Variants in SSTR5 observed in about 807,000 individuals in gnomAD.
SSTR5 encodes somatostatin receptor 5, also known as somatostatin receptor type 5.
A neutral mutation model predicts 0.3 loss-of-function variants in SSTR5; 1 was observed. The observed-to-expected ratio is 2.98, with a 90% CI of 1.06 to 14.15. The LOEUF (loss-of-function observed/expected upper bound fraction) is 14.15. Among genes scored for constraint, SSTR5 ranks in the 30% most tolerant of loss-of-function variants. SSTR5 has a pLI of 0.12. For synonymous variants in SSTR5, 256 were observed against 263.1 expected (o/e 0.97, Z 0.26); for missense variants, 516 against 543.2 (o/e 0.95, Z 0.50).
chr16:1,075,584 G>A (rs1024893723), intron 1 of SSTR5, among the ~76,000 whole-genome samples: 11 of 151,872 alleles, frequency 7.2e-5, no homozygotes, highest in Admixed American at 3.3e-4. Flanking sequence ...ACCATCGGTG[G>A]CTCCTCTGTC....
Position 1,080,959 on chromosome 16 carries a change from G to C in SSTR5, c.*996G>C, listed in dbSNP as rs1308367312. ...GGGAACGGGGACAGGAGCAGAGGAC[G>C]GTCATCCAGGCGCAGCGGGGAGCTG... On this transcript the variant is annotated 3_prime_UTR_variant, in exon 2 of 2. Coordinates refer to ENST00000689027, the MANE Select transcript of SSTR5 (RefSeq NM_001172560.3). The C allele has an allele frequency of 6.7e-6, 3 of 447,562 alleles. No homozygotes were observed. The highest frequency in any genetic ancestry group is 1.4e-5 in the Non-Finnish European group (3 of 213,196). 27.7% of individuals were successfully genotyped at this position (447,562 alleles called of 1,614,324 possible).
At position 1,080,995 on chromosome 16, in the gene SSTR5, C is replaced by T. The variant is rs928187703; in HGVS notation, c.*1032C>T. 10 of 467,738 alleles carry T rather than the reference C, an allele frequency of 2.1e-5. No individual in the cohort carries two copies. The highest frequency in any genetic ancestry group is 2.0e-4 in the African/African-American group (10 of 49,988). 29.0% of individuals were successfully genotyped at this position (467,738 alleles called of 1,614,324 possible). A position where few individuals can be genotyped will look rare whatever the true frequency, so the allele number is the denominator to read the frequency against. On this transcript the variant is annotated 3_prime_UTR_variant, in exon 2 of 2. Coordinates refer to ENST00000689027, the MANE Select transcript of SSTR5 (RefSeq NM_001172560.3). ...CGCAGCGGGGAGCTGCTCCCCAGGC[C>T]ACAGCAGACAGCACTGCTGAGAGGC...
chr16:1,073,408 G>T (rs575455705), intron 1 of SSTR5, among the ~76,000 whole-genome samples: 1 of 152,218 alleles, frequency 6.6e-6, no homozygotes, highest in African/African-American at 2.4e-5. Flanking sequence ...CAGCTGGGTC[G>T]GTGAGCTCCT....
In SSTR5 at chr16:1,079,916, G is replaced by A. The variant is rs375126674; in HGVS notation, c.1048G>A (p.Ala350Thr). The A allele has an allele frequency of 5.7e-5, 91 of 1,605,866 alleles. No individual in the cohort carries two copies. Among genetic ancestry groups the A allele is most frequent in the Middle Eastern group, 1.7e-4 (1 of 6,058 alleles). Residue 350 changes from alanine (A) to threonine (T), a missense_variant, in exon 2 of 2, where the codon GCG (alanine) becomes ACG (threonine). Physicochemically the swap from Ala to Thr is moderately conservative, Grantham distance 58. Coordinates refer to ENST00000689027, the MANE Select transcript of SSTR5 (RefSeq NM_001172560.3). ...IRQQQEATPP[A>T]HRAAANGLMQ... is the part of the protein sequence containing the mutation. ...GCAGCAGCAGGAGGCCACGCCACCC[G>A]CGCACCGCGCCGCAGCCAACGGGCT... is the stretch of plus-strand genomic sequence containing the variant.
intron 1 of SSTR5, chr16:1,078,063 C>G (rs1312190221): frequency 6.6e-6 from 1 of 152,458 alleles, no homozygotes; most frequent in Non-Finnish European, 1.5e-5. Flanking sequence ...CGCAGTCCCC[C>G]CTCCTTCGCC....
rs961898175 is a variant in SSTR5, at chr16:1,078,515, C to T, written c.-27-327C>T. On this transcript the variant is annotated intron_variant, in intron 1 of 1. Transcript: ENST00000689027. ...GGCTCTGAGGGGCTTCAGGGAGACG[C>T]AGGTGCTGGCCTCAGACTCCAGGAT... The T allele has an allele frequency of 1.9e-5, 7 of 369,422 alleles. No homozygotes were observed. In the East Asian group the frequency reaches 2.9e-4, roughly 16 times the overall value. The allele number at this position is 369,422 out of a possible 1,614,324, so 22.9% of individuals were successfully genotyped here.
In SSTR5 at chr16:1,080,545, G is replaced by C. The variant is rs1202492090; in HGVS notation, c.*582G>C. Among the ~76,000 whole-genome samples the C allele has an allele frequency of 6.6e-6, 1 of 152,226 alleles. No individual in the cohort carries two copies. Among genetic ancestry groups the C allele is most frequent in the Admixed American group, 6.5e-5 (1 of 15,288 alleles). ...GGGGAGTGTGGCTGGGCAGCCCCTG[G>C]TCAGCCAGGGTCACGCCTGTCCTGG... is the stretch of plus-strand genomic sequence containing the variant. On this transcript the variant is annotated 3_prime_UTR_variant, in exon 2 of 2. Coordinates refer to ENST00000689027, the MANE Select transcript of SSTR5 (RefSeq NM_001172560.3).
chr16:1,073,939 T>C (rs1960141201), intron 1 of SSTR5, among the ~76,000 whole-genome samples: 1 of 152,146 alleles, frequency 6.6e-6, no homozygotes, highest in South Asian at 2.1e-4. Flanking sequence ...CGAGAAGCGT[T>C]CGCGGAGCAC....
In SSTR5 at chr16:1,079,490, C is replaced by T; in HGVS notation, c.622C>T (p.Leu208=). Residue 208 remains leucine, a synonymous_variant, in exon 2 of 2, where the codon CTG becomes TTG. Coordinates refer to ENST00000689027, the MANE Select transcript of SSTR5 (RefSeq NM_001172560.3). ...CGTCTTCATCATCTACACGGCCGTG[C>T]TGGGCTTCTTCGCGCCGCTGCTGGT... is the stretch of plus-strand genomic sequence containing the variant. The part of the protein sequence containing the change: ...GAVFIIYTAV[L]GFFAPLLVIC... The T allele has an allele frequency of 6.2e-7, 1 of 1,611,662 alleles. No individual in the cohort carries two copies. Among genetic ancestry groups the T allele is most frequent in the South Asian group, 1.1e-5 (1 of 90,986 alleles).
chr16:1,076,864 C>G (rs1027746023), intron 1 of SSTR5, among the ~76,000 whole-genome samples: 2 of 152,164 alleles, frequency 1.3e-5, no homozygotes, highest in African/African-American at 4.8e-5. Context: ...GTGGATCCTG[C>G]ACATATTTAA....
Position 1,080,909 on chromosome 16 carries a change from G to C in SSTR5, c.*946G>C, listed in dbSNP as rs553299556. 1 of 394,032 alleles carries C rather than the reference G, an allele frequency of 2.5e-6. No homozygotes were observed. The highest frequency in any genetic ancestry group is 5.3e-6 in the Non-Finnish European group (1 of 188,502). 24.4% of individuals were successfully genotyped at this position (394,032 alleles called of 1,614,324 possible). ...AACCTGCGGCCGTCTCTTCTGCTTT[G>C]GGGCAGGGGCTCTGGCCCGGGAGAG... is the stretch of plus-strand genomic sequence containing the variant. On this transcript the variant is annotated 3_prime_UTR_variant, in exon 2 of 2. Coordinates refer to ENST00000689027, the MANE Select transcript of SSTR5 (RefSeq NM_001172560.3).
At position 1,079,297 on chromosome 16, in the gene SSTR5, C is replaced by T. The variant is rs776067268; in HGVS notation, c.429C>T (p.His143=). ...MSVDRYLAVV[H]PLSSARWRRP... ...TGGACCGCTACCTGGCAGTGGTGCA[C>T]CCGCTGAGCTCGGCCCGCTGGCGCC... Residue 143 remains histidine, a synonymous_variant, in exon 2 of 2, where the codon CAC becomes CAT. Transcript: ENST00000689027. The T allele has an allele frequency of 4.3e-6, 7 of 1,610,842 alleles. No individual in the cohort carries two copies. Among genetic ancestry groups the T allele is most frequent in the Non-Finnish European group, 5.9e-6 (7 of 1,179,254 alleles).
Position 1,079,719 on chromosome 16 carries a change from G to A in SSTR5, c.851G>A (p.Gly284Asp). ...CTGCCCCAGGAGCCCGCCTCCGCCG[G>A]CCTCTACTTCTTCGTGGTCATCCTC... ...VALPQEPASA[G>D]LYFFVVILSY... Residue 284 changes from glycine to aspartate, a missense_variant, in exon 2 of 2, where the codon GGC (glycine) becomes GAC (aspartate). Physicochemically the swap from Gly to Asp is moderately conservative, Grantham distance 94. Transcript: ENST00000689027. The A allele has an allele frequency of 6.2e-7, 1 of 1,612,168 alleles. No individual in the cohort carries two copies. The highest frequency in any genetic ancestry group is 8.5e-7 in the Non-Finnish European group (1 of 1,179,926).
rs143832348 is a variant in SSTR5, at chr16:1,076,286, C to G, written c.-27-2556C>G. ...CCTCTCCCTCTCCCTCTCCCTCTCC[C>G]TCTCCCTCCCTCTCTCCCCACACCC... On this transcript the variant is annotated intron_variant, in intron 1 of 1. Transcript: ENST00000689027. Among the ~76,000 whole-genome samples the G allele has an allele frequency of 4.2e-3, 121 of 28,604 alleles. 8 individuals are homozygous for G. The highest frequency in any genetic ancestry group is 0.041 in the African/African-American group (111 of 2,700). 18.8% of individuals were successfully genotyped at this position (28,604 alleles called of 152,430 possible).
rs931797165 is a variant in SSTR5 at position 1,081,427 on chromosome 16, C to G, written c.*1464C>G. On this transcript the variant is annotated 3_prime_UTR_variant, in exon 2 of 2. Coordinates refer to ENST00000689027, the MANE Select transcript of SSTR5 (RefSeq NM_001172560.3). The stretch of plus-strand genomic sequence containing the variant: ...GGACACGCGTGTTTGACAACTGCTC[C>G]CCTGAATAAATGCGAGGATAAATGT... Among the ~76,000 whole-genome samples the G allele has an allele frequency of 6.6e-6, 1 of 152,210 alleles. No homozygotes were observed. The highest frequency in any genetic ancestry group is 1.5e-5 in the Non-Finnish European group (1 of 68,040).
At chr16:1,078,368 AG>A (rs1960258127) in intron 1 of SSTR5, 2 of 166,772 alleles carry the variant, frequency 1.2e-5, no homozygotes, top group Admixed American at 1.1e-4. Flanking sequence ...CCAGGCGGAC[AG>A]GGGGCCGACC....
rs778296175 is a variant in SSTR5 at position 1,079,102 on chromosome 16, C to T, written c.234C>T (p.Tyr78=). The T allele has an allele frequency of 3.7e-6, 6 of 1,612,730 alleles. No homozygotes were observed. Among genetic ancestry groups the T allele is most frequent in the East Asian group, 4.5e-5 (2 of 44,874 alleles). ...FAKMKTVTNI[Y]ILNLAVADVL... Reference sequence around the variant, plus strand: ...AGATGAAGACCGTCACCAACATCTACATTCTCAACCTGGCAGTGGCCGACG... The same window carrying T: ...AGATGAAGACCGTCACCAACATCTATATTCTCAACCTGGCAGTGGCCGACG... Residue 78 remains tyrosine (Y), a synonymous_variant, in exon 2 of 2, where the codon TAC becomes TAT. Transcript: ENST00000689027.
Position 1,081,087 on chromosome 16 carries a change from C to T in SSTR5, c.*1124C>T, listed in dbSNP as rs765799876. On this transcript the variant is annotated 3_prime_UTR_variant, in exon 2 of 2. Coordinates refer to ENST00000689027, the MANE Select transcript of SSTR5 (RefSeq NM_001172560.3). The stretch of plus-strand genomic sequence containing the variant: ...CCGCCGCCTCCCACCTAGAATTGTC[C>T]TACCTCCCCCACCCCAAACACCAGC... The T allele has an allele frequency of 4.3e-6, 2 of 470,418 alleles. No individual in the cohort carries two copies. Among genetic ancestry groups the T allele is most frequent in the Non-Finnish European group, 8.8e-6 (2 of 226,692 alleles). 29.1% of individuals were successfully genotyped at this position (470,418 alleles called of 1,614,324 possible).
intron 1 of SSTR5, chr16:1,077,582 C>T (rs1960238882): frequency 6.6e-6 from 1 of 152,282 alleles, no homozygotes; most frequent in African/African-American, 2.4e-5. Context: ...CGCCACCACA[C>T]TTGGCTAATT....
Sources: gnomAD v4.1 joint callset for allele counts (sites outside exome capture counted in the v4.1 genomes callset) on GRCh38, gnomAD v4.1.1 for gene constraint, MANE v1.5 for transcripts, NCBI Gene and HGNC (gene_info 2026-07-23, HGNC 2026-07-21) for gene names.